NCKAP1: variants seen among roughly 807,000 people sequenced by gnomAD.
NCKAP1 encodes the protein nck-associated protein 1.
A neutral mutation model predicts 151.2 loss-of-function variants in NCKAP1; 21 were observed. The ratio of observed to expected loss-of-function variants is 0.14; its 90% CI spans 0.10 to 0.20. NCKAP1 has a LOEUF of 0.20. NCKAP1 is among the 10% of genes least tolerant of loss of function. NCKAP1 has a pLI of 1.00. For synonymous variants in NCKAP1, 484 were observed against 451.8 expected (o/e 1.07, Z -0.90); for missense variants, 933 against 1,352.1 (o/e 0.69, Z 4.86).
In NCKAP1 at chr2:182,923,949, AT is replaced by A. The variant is rs1466063338; in HGVS notation, c.*1752del. 4 of 152,230 alleles carry A rather than the reference AT, an allele frequency of 2.6e-5. No homozygotes were observed. Among genetic ancestry groups the A allele is most frequent in the African/African-American group, 9.6e-5 (4 of 41,544 alleles). 9.4% of individuals were successfully genotyped at this position (152,230 alleles called of 1,614,324 possible). ...TTTTCATCCTTATGCCCTTTCACAT[AT>A]GATTCCAAAGTGTACATATCCAAAT... On this transcript the variant is annotated 3_prime_UTR_variant, in exon 31 of 31. Coordinates refer to ENST00000361354, the MANE Select transcript of NCKAP1 (RefSeq NM_013436.5).
intron 2 of NCKAP1, among the ~76,000 whole-genome samples, 178 bp downstream of exon 2, chr2:183,023,628 T>C (rs970744452): frequency 1.3e-5 from 2 of 152,090 alleles, no homozygotes; most frequent in African/African-American, 4.8e-5. Flanking sequence ...TCGTTAAGAG[T>C]TATTTTTTTC....
chr2:183,009,421 G>GGGAA (rs1168445882), intron 2 of NCKAP1, among the ~76,000 whole-genome samples: 7,294 of 82,370 alleles, frequency 0.089, 504 homozygotes, highest in Admixed American at 0.13. Flanking sequence ...AAAGAGGGAA[G>GGGAA]GGAAGGAAGG....
chr2:182,929,701 T>C (rs1393172514), intron 27 of NCKAP1, among the ~76,000 whole-genome samples: 3 of 151,748 alleles, frequency 2.0e-5, no homozygotes, highest in African/African-American at 7.2e-5. Context: ...TAATTATAAT[T>C]ATCCATGTGA....
At chr2:182,999,174 A>G (rs1698330991) in intron 6 of NCKAP1, among the ~76,000 whole-genome samples, 1 of 152,164 alleles carries the variant, frequency 6.6e-6, no homozygotes, top group Non-Finnish European at 1.5e-5. Context: ...TGGAACCAAA[A>G]AACAGCCTGA....
rs749643453 is a variant in NCKAP1 at position 182,925,166 on chromosome 2, C to A, written c.*536G>T. On this transcript the variant is annotated 3_prime_UTR_variant, in exon 31 of 31. Transcript: ENST00000361354. Reference sequence around the variant, plus strand: ...GATCTGCTTCTAATACTAAGCAGTTCTTTAACATTTTTAAATGTTATACAG... The same window carrying A: ...GATCTGCTTCTAATACTAAGCAGTTATTTAACATTTTTAAATGTTATACAG... The A allele has an allele frequency of 2.0e-5, 3 of 152,134 alleles. No individual in the cohort carries two copies. In the South Asian group the frequency reaches 6.2e-4, roughly 32 times the overall value. The allele number at this position is 152,134 out of a possible 1,614,324, so 9.4% of individuals were successfully genotyped here.
chr2:183,022,708 A>G (rs1459861409), intron 2 of NCKAP1, among the ~76,000 whole-genome samples: 1 of 152,216 alleles, frequency 6.6e-6, no homozygotes, highest in East Asian at 1.9e-4. Flanking sequence ...CTTAAAAAGC[A>G]CTTTATCTGA....
intron 8 of NCKAP1, among the ~76,000 whole-genome samples, chr2:182,994,425 G>C (rs1008573822): frequency 6.6e-6 from 1 of 151,960 alleles, no homozygotes; most frequent in Admixed American, 6.6e-5. Flanking sequence ...ATCACTTGAG[G>C]TCAGGAGTTC....
chr2:182,968,717 T>C (rs1285607535), intron 15 of NCKAP1, among the ~76,000 whole-genome samples: 5 of 152,246 alleles, frequency 3.3e-5, no homozygotes, highest in African/African-American at 4.8e-5. Context: ...CTGATGCCTA[T>C]GCTGCTTTCT....
At chr2:182,961,595 G>C (rs939375853) in intron 18 of NCKAP1, among the ~76,000 whole-genome samples, 1 of 152,132 alleles carries the variant, frequency 6.6e-6, no homozygotes, top group Non-Finnish European at 1.5e-5. Context: ...GGGGAAATTG[G>C]GGAGGGATAG....
chr2:182,962,064 C>A (rs1697465658), intron 18 of NCKAP1, 95 bp downstream of exon 18: 5 of 1,300,740 alleles, frequency 3.8e-6, no homozygotes, highest in Non-Finnish European at 4.2e-6. Context: ...AGTGTGGGAA[C>A]TAAAGAATGG....
chr2:182,973,095 C>G (rs974168490), intron 15 of NCKAP1, among the ~76,000 whole-genome samples: 3 of 152,044 alleles, frequency 2.0e-5, no homozygotes, highest in Admixed American at 2.0e-4. Flanking sequence ...ATTCCCACTA[C>G]CCAGATTTGT....
rs1575043518 is a variant in NCKAP1, at chr2:182,978,598, T to C, written c.1423+236A>G. Among the ~76,000 whole-genome samples, 3 of 152,310 alleles carry C rather than the reference T, an allele frequency of 2.0e-5. No individual in the cohort carries two copies. The East Asian group carries it at 5.8e-4, about 29-fold the overall frequency. ...TTTGCTACAAAATGCAAATGTTTTA[T>C]TGTTTTTGTTACAAAATGCTTTTTT... On this transcript the variant is annotated intron_variant, in intron 14 of 30. Transcript: ENST00000361354.
chr2:182,982,669 T>A (rs1489511587), intron 12 of NCKAP1, 152 bp downstream of exon 12: 2 of 573,230 alleles, frequency 3.5e-6, no homozygotes, highest in Non-Finnish European at 5.9e-6. Context: ...TAGGCTAGGC[T>A]AAGCTCTAAT....
At chr2:183,020,515 C>T (rs1698778372) in intron 2 of NCKAP1, among the ~76,000 whole-genome samples, 1 of 149,578 alleles carries the variant, frequency 6.7e-6, no homozygotes, top group Non-Finnish European at 1.5e-5. Context: ...TGCATTTTCA[C>T]CAGAAATCTG....
intron 25 of NCKAP1, 171 bp downstream of exon 25, chr2:182,935,122 C>A (rs1211626707): frequency 1.7e-5 from 10 of 601,422 alleles, no homozygotes; most frequent in Non-Finnish European, 2.8e-5. Flanking sequence ...AGTACCAAAA[C>A]AAAAAATGAG....
chr2:183,026,630 C>A lies in NCKAP1; in HGVS notation c.109-2714G>T, dbSNP rs1314339452. ...GGCAGTATGTCTCAAAGGTTAAAAA[C>A]AAATATTCTGGAATAAAACTGGCTG... On this transcript the variant is annotated intron_variant, in intron 1 of 30. Transcript: ENST00000361354. Among the ~76,000 whole-genome samples the A allele has an allele frequency of 3.9e-5, 6 of 152,064 alleles. No homozygotes were observed. The South Asian group carries it at 1.2e-3, about 32-fold the overall frequency.
Position 182,934,033 on chromosome 2 carries a change from T to A in NCKAP1, c.2859+719A>T, listed in dbSNP as rs13014014. On this transcript the variant is annotated intron_variant, in intron 26 of 30. Transcript: ENST00000361354. ...TATAATAGAATACTAAAAATCTTTT[T>A]AAAATTACAGCCTACAATTACATCC... 0.012 allele frequency among the ~76,000 whole-genome samples: 1,835 copies of A among 152,252 alleles called. 105 individuals carry two copies. In the East Asian group the frequency reaches 0.18, roughly 15 times the overall value.
At chr2:183,007,272 T>A (rs1319276389) in intron 2 of NCKAP1, among the ~76,000 whole-genome samples, 2 of 152,216 alleles carry the variant, frequency 1.3e-5, no homozygotes, top group African/African-American at 4.8e-5. Flanking sequence ...TAGCTATGGG[T>A]CATTATTCTA....
rs891862244 is a variant in NCKAP1, at chr2:182,918,016, T to C, written c.*7686A>G. On this transcript the variant is annotated 3_prime_UTR_variant, in exon 31 of 31. Transcript: ENST00000361354. The stretch of plus-strand genomic sequence containing the variant: ...TGCTTTGGGAAAGAACATGATACAG[T>C]AGAAAAAATATGGGCTGGAAATCCT... 1 of 152,024 alleles carries C rather than the reference T, an allele frequency of 6.6e-6. No individual in the cohort carries two copies. The highest frequency in any genetic ancestry group is 1.5e-5 in the Non-Finnish European group (1 of 67,996). 9.4% of individuals were successfully genotyped at this position (152,024 alleles called of 1,614,324 possible).
Sources: gnomAD v4.1 joint callset for allele counts (sites outside exome capture counted in the v4.1 genomes callset) on GRCh38, gnomAD v4.1.1 for gene constraint, MANE v1.5 for transcripts, NCBI Gene and HGNC (gene_info 2026-07-23, HGNC 2026-07-21) for gene names.